Variants in TENM4 observed in about 807,000 individuals in gnomAD.
The protein encoded by TENM4 is teneurin-4.
In TENM4, 82 loss-of-function variants were observed where a neutral mutation model predicts 243.3. The observed-to-expected ratio is 0.34, with a 90% CI of 0.28 to 0.40. The LOEUF is 0.40. TENM4 is among the 10% of genes least tolerant of loss of function. The pLI, the probability that TENM4 is intolerant of heterozygous loss-of-function variation, is 1.00. For synonymous variants in TENM4, 1,412 were observed against 1,456.3 expected, an observed-to-expected ratio of 0.97 and a Z score of 0.69; for missense variants, 3,138 against 3,673.3, an observed-to-expected ratio of 0.85 and a Z score of 3.77.
intron 6 of TENM4, among the ~76,000 whole-genome samples, chr11:79,027,699 T>C (rs904744580): frequency 1.3e-5 from 2 of 152,236 alleles, no homozygotes; most frequent in African/African-American, 4.8e-5. Context: ...TCTGGCCTTC[T>C]GTGAACACCA....
intron 6 of TENM4, among the ~76,000 whole-genome samples, chr11:79,029,001 C>T (rs1859157715): frequency 6.6e-6 from 1 of 152,088 alleles, no homozygotes. Flanking sequence ...CATAAGTGGT[C>T]ATTTCAATAA....
chr11:78,707,836 C>T (rs1201118137), intron 27 of TENM4, among the ~76,000 whole-genome samples: 2 of 152,178 alleles, frequency 1.3e-5, no homozygotes, highest in Non-Finnish European at 2.9e-5. Context: ...TTCCATTTCA[C>T]AGATATAAAA....
At chr11:79,261,071 G>T (rs1236828579) in intron 2 of TENM4, among the ~76,000 whole-genome samples, 6 of 152,232 alleles carry the variant, frequency 3.9e-5, no homozygotes, top group Admixed American at 3.9e-4. Context: ...TTTGCCATGA[G>T]GCACAGGGGG....
intron 6 of TENM4, among the ~76,000 whole-genome samples, chr11:79,026,346 T>C (rs973933914): frequency 2.6e-5 from 4 of 152,174 alleles, no homozygotes; most frequent in African/African-American, 9.7e-5. Flanking sequence ...GCAGATGGAA[T>C]TCAAGGCAGA....
chr11:79,434,963 T>C (rs957513156), intron 1 of TENM4, among the ~76,000 whole-genome samples: 1 of 152,210 alleles, frequency 6.6e-6, no homozygotes, highest in Non-Finnish European at 1.5e-5. Context: ...TTAAATTATA[T>C]CTGTCATACT....
chr11:79,082,703 A>C (rs1304087340), intron 4 of TENM4, among the ~76,000 whole-genome samples: 1 of 152,182 alleles, frequency 6.6e-6, no homozygotes, highest in Admixed American at 6.5e-5. Context: ...TCCTCACAGC[A>C]GGAAAGGTGG....
chr11:79,247,416 CAAAAAAAAAAAAA>C (rs34265803), intron 2 of TENM4, among the ~76,000 whole-genome samples: 1 of 81,372 alleles, frequency 1.2e-5, no homozygotes, highest in Admixed American at 1.3e-4. Flanking sequence ...GACTCTGTCT[CAAAAAAAAAAAAA>C]AAAAAAAAAA....
intron 4 of TENM4, among the ~76,000 whole-genome samples, chr11:79,074,754 G>C (rs542507163): frequency 6.6e-6 from 1 of 152,196 alleles, no homozygotes; most frequent in Admixed American, 6.5e-5. Context: ...TGAGAGGCCA[G>C]AGTGTGTCTT....
intron 4 of TENM4, among the ~76,000 whole-genome samples, chr11:79,131,115 T>A (rs1861994875): frequency 6.6e-6 from 1 of 152,066 alleles, no homozygotes; most frequent in African/African-American, 2.4e-5. Context: ...TTTGGGGGAA[T>A]AATTGAGGAA....
chr11:78,712,834 G>A, intron 25 of TENM4, 120 bp from the exon 26 acceptor site: 1 of 953,376 alleles, frequency 1.0e-6, no homozygotes, highest in Admixed American at 2.6e-5. Flanking sequence ...TGGGGATGAT[G>A]CCCCTATTTT....
chr11:78,725,447 G>A (rs1416329778), intron 23 of TENM4, among the ~76,000 whole-genome samples: 2 of 152,266 alleles, frequency 1.3e-5, no homozygotes, highest in South Asian at 2.1e-4. Flanking sequence ...ACTCGCATGC[G>A]TTAGTCCCTG....
At position 79,028,054 on chromosome 11, in the gene TENM4, T is replaced by C. The variant is rs369574292; in HGVS notation, c.493+36684A>G. 2.0e-5 allele frequency among the ~76,000 whole-genome samples: 3 copies of C among 152,178 alleles called. No individual in the cohort carries two copies. The East Asian group carries it at 5.8e-4, about 29-fold the overall frequency. On this transcript the variant is annotated intron_variant, in intron 6 of 33. Transcript: ENST00000278550. ...TAAAGGTCTGTTAGGCCAGACAGTATGGATTTGAAACCCAACTCTGCCACT... is the reference window on the plus strand; with the variant it reads ...TAAAGGTCTGTTAGGCCAGACAGTACGGATTTGAAACCCAACTCTGCCACT...
rs148967911 is a variant in TENM4, at chr11:78,798,621, A to G, written c.2179+6671T>C. On this transcript the variant is annotated intron_variant, in intron 15 of 33. Coordinates refer to ENST00000278550, the MANE Select transcript of TENM4 (RefSeq NM_001098816.3). The stretch of plus-strand genomic sequence containing the variant: ...GGGCTCCGAGGTTTGGATCCTGCCT[A>G]CCTCTGGCCTTCTTTCCTGCCACCC... 2.0e-3 allele frequency among the ~76,000 whole-genome samples: 298 copies of G among 152,084 alleles called. 2 individuals carry two copies. Among genetic ancestry groups the G allele is most frequent in the African/African-American group, 6.8e-3 (284 of 41,480 alleles).
intron 6 of TENM4, among the ~76,000 whole-genome samples, chr11:79,012,591 A>AT (rs1382039953): frequency 6.6e-6 from 1 of 152,200 alleles, no homozygotes; most frequent in Non-Finnish European, 1.5e-5. Context: ...TTCTTGAGAA[A>AT]TGATAAAGTT....
chr11:79,148,849 G>T, intron 3 of TENM4, 43 bp from the exon 4 acceptor site: 3 of 757,204 alleles, frequency 4.0e-6, no homozygotes, highest in Non-Finnish European at 4.8e-6. Context: ...TTTTGATGAG[G>T]ATGCTGTTCT....
intron 4 of TENM4, among the ~76,000 whole-genome samples, chr11:79,124,123 T>C (rs1030456643): frequency 6.6e-6 from 1 of 152,212 alleles, no homozygotes; most frequent in African/African-American, 2.4e-5. Context: ...CTGGGTACTT[T>C]GTCCTGCATC....
At chr11:79,210,441 A>T (rs1863934805) in intron 3 of TENM4, among the ~76,000 whole-genome samples, 1 of 152,218 alleles carries the variant, frequency 6.6e-6, no homozygotes, top group Non-Finnish European at 1.5e-5. Flanking sequence ...CCAAGAACTG[A>T]AAAATATGTC....
At chr11:78,963,248 T>C (rs927691574) in intron 6 of TENM4, among the ~76,000 whole-genome samples, 2 of 152,224 alleles carry the variant, frequency 1.3e-5, no homozygotes, top group Non-Finnish European at 2.9e-5. Context: ...GCCACGGTTC[T>C]AAAACCCCAG....
intron 6 of TENM4, among the ~76,000 whole-genome samples, chr11:78,913,530 CAGTT>C (rs951548986): frequency 7.3e-5 from 11 of 151,656 alleles, no homozygotes; most frequent in African/African-American, 2.4e-4. Flanking sequence ...GATCCATAAA[CAGTT>C]AGGTCAAGTC....
Sources: allele counts gnomAD v4.1 joint callset (sites outside exome capture counted in the v4.1 genomes callset), GRCh38; gene constraint gnomAD v4.1.1; transcripts MANE v1.5; gene names NCBI Gene and HGNC (gene_info 2026-07-23, HGNC 2026-07-21).